Variants in VPS13A observed in about 807,000 individuals in gnomAD.
The protein encoded by VPS13A is vacuolar protein sorting 13 homolog A, also known as intermembrane lipid transfer protein VPS13A.
VPS13A carries 264 observed loss-of-function variants against 390.9 expected under a neutral mutation model. That is an observed-to-expected ratio of 0.68 (90% CI 0.61 to 0.75). The LOEUF (loss-of-function observed/expected upper bound fraction) is 0.75, where lower values mean the gene tolerates loss of function less well. Ranked by LOEUF, VPS13A falls within the 30% of genes least tolerant of loss-of-function variation. The pLI, the probability that VPS13A is intolerant of heterozygous loss-of-function variation, is 0.00. For synonymous variants in VPS13A, 1,231 were observed against 1,227.1 expected (o/e 1.00, Z -0.07); for missense variants, 3,409 against 3,733.9 (o/e 0.91, Z 2.27).
chr9:77,374,709 C>T (rs555114817), intron 67 of VPS13A, among the ~76,000 whole-genome samples: 33 of 152,212 alleles, frequency 2.2e-4, no homozygotes, highest in African/African-American at 7.5e-4. Context: ...AATTTTAATA[C>T]ACATTGTTTT....
chr9:77,400,790 T>C (rs1834352779), intron 68 of VPS13A, among the ~76,000 whole-genome samples: 1 of 147,696 alleles, frequency 6.8e-6, no homozygotes, highest in South Asian at 2.1e-4. Context: ...ATCGCATCAC[T>C]GCACTCCAGC....
intron 13 of VPS13A, among the ~76,000 whole-genome samples, chr9:77,225,096 A>G (rs1013153174): frequency 1.3e-5 from 2 of 152,216 alleles, no homozygotes; most frequent in Non-Finnish European, 2.9e-5. Flanking sequence ...TTAATAGACT[A>G]TAATGTAGTA....
chr9:77,398,546 A>G (rs1395604244), intron 68 of VPS13A, among the ~76,000 whole-genome samples: 10 of 152,106 alleles, frequency 6.6e-5, no homozygotes, highest in African/African-American at 2.4e-4. Flanking sequence ...CCCAAAAATG[A>G]TGTTTTGAGT....
At chr9:77,269,769 G>T (rs1305974997) in intron 23 of VPS13A, among the ~76,000 whole-genome samples, 1 of 152,128 alleles carries the variant, frequency 6.6e-6, no homozygotes. Flanking sequence ...GCTGAATTGT[G>T]CCCTTCAAAA....
At chr9:77,198,375 C>T (rs1825123928) in intron 1 of VPS13A, among the ~76,000 whole-genome samples, 2 of 152,088 alleles carry the variant, frequency 1.3e-5, no homozygotes, top group Non-Finnish European at 2.9e-5. Flanking sequence ...TTAATAAGCC[C>T]ATCACACATT....
In VPS13A at chr9:77,419,698, C is replaced by T. The variant is rs1168710252; in HGVS notation, c.*3692C>T. 6.6e-6 allele frequency: 1 copy of T among 152,176 alleles called. No homozygotes were observed. The highest frequency in any genetic ancestry group is 1.5e-5 in the Non-Finnish European group (1 of 68,028). 9.4% of individuals were successfully genotyped at this position (152,176 alleles called of 1,614,324 possible). A position where few individuals can be genotyped will look rare whatever the true frequency, so the allele number is the denominator to read the frequency against. On this transcript the variant is annotated 3_prime_UTR_variant, in exon 72 of 72. Coordinates refer to ENST00000360280, the MANE Select transcript of VPS13A (RefSeq NM_033305.3). ...ATCCACACACAGCACCCAAAAAAGG[C>T]CATAGTCTTTTGTTTACCTAGATGT...
At chr9:77,251,944 C>T (rs1825167788) in intron 21 of VPS13A, among the ~76,000 whole-genome samples, 1 of 152,054 alleles carries the variant, frequency 6.6e-6, no homozygotes, top group Non-Finnish European at 1.5e-5. Flanking sequence ...TAAATGGTAG[C>T]TTTTATTAGT....
rs922672598 is a variant in VPS13A at position 77,325,177 on chromosome 9, T to C, written c.5991+1950T>C. On this transcript the variant is annotated intron_variant, in intron 45 of 71. Transcript: ENST00000360280. ...TAAGGAGCATGCAACCTAGATCCCT[T>C]GCATGCGCAGTTCACGCTCCTATGA... Among the ~76,000 whole-genome samples, 7 of 152,150 alleles carry C rather than the reference T, an allele frequency of 4.6e-5. No homozygotes were observed. In the East Asian group the frequency reaches 1.2e-3, roughly 25 times the overall value.
intron 67 of VPS13A, among the ~76,000 whole-genome samples, chr9:77,372,184 G>A (rs1832811376): frequency 6.6e-6 from 1 of 151,594 alleles, no homozygotes; most frequent in African/African-American, 2.4e-5. Context: ...GGATGGCTGG[G>A]TCAAATGGTA....
chr9:77,348,002 G>A (rs975396571), intron 52 of VPS13A, among the ~76,000 whole-genome samples: 13 of 152,190 alleles, frequency 8.5e-5, no homozygotes, highest in African/African-American at 3.1e-4. Flanking sequence ...TGGAGAAATA[G>A]GAACGCTTTT....
intron 31 of VPS13A, among the ~76,000 whole-genome samples, chr9:77,284,164 G>T (rs1394089615): frequency 2.6e-5 from 4 of 151,996 alleles, no homozygotes; most frequent in African/African-American, 9.7e-5. Context: ...ATTTGTTACT[G>T]GTTATAAAAC....
chr9:77,220,517 G>C (rs936196626), intron 12 of VPS13A, 134 bp downstream of exon 12: 14 of 663,936 alleles, frequency 2.1e-5, no homozygotes, highest in Non-Finnish European at 3.3e-5. Flanking sequence ...TTTATAGCTA[G>C]AAATATATGT....
intron 45 of VPS13A, among the ~76,000 whole-genome samples, chr9:77,329,070 G>C (rs1304347000): frequency 1.3e-5 from 2 of 152,162 alleles, no homozygotes; most frequent in Admixed American, 1.3e-4. Flanking sequence ...AGAACAGCAT[G>C]CAGGAAACTG....
In VPS13A at chr9:77,275,774, A is replaced by G. The variant is rs1014348364; in HGVS notation, c.2667+122A>G. 8.3e-6 allele frequency: 10 copies of G among 1,198,048 alleles called. No homozygotes were observed. The African/African-American group carries it at 1.4e-4, about 17-fold the overall frequency. 74.2% of individuals were successfully genotyped at this position (1,198,048 alleles called of 1,614,324 possible). On this transcript the variant is annotated intron_variant, in intron 25 of 71. Transcript: ENST00000360280. ...TTCACCCTAATTAAAGTAATTCCAG[A>G]CTTGCTGTGTGATTCTTGGTCACTC...
intron 67 of VPS13A, among the ~76,000 whole-genome samples, chr9:77,373,736 A>G (rs915332696): frequency 6.6e-6 from 1 of 151,522 alleles, no homozygotes; most frequent in East Asian, 1.9e-4. Context: ...CAACCTACTC[A>G]TCTGACAAAG....
At chr9:77,338,120 T>G (rs1268130120) in intron 47 of VPS13A, 1 of 152,340 alleles carries the variant, frequency 6.6e-6, no homozygotes, top group African/African-American at 2.4e-5. Flanking sequence ...GGACTACAGG[T>G]GCATGCCATG....
At chr9:77,235,023 T>G (rs1824061692) in intron 17 of VPS13A, among the ~76,000 whole-genome samples, 1 of 152,232 alleles carries the variant, frequency 6.6e-6, no homozygotes, top group Admixed American at 6.5e-5. Flanking sequence ...TCTAGGTTTA[T>G]ATTTGTTTTT....
chr9:77,209,429 A>G lies in VPS13A; in HGVS notation c.392A>G (p.His131Arg). Residue 131 changes from histidine to arginine, a missense_variant, in exon 6 of 72, where the codon CAT becomes CGT. By Grantham distance (29) the His-to-Arg change is conservative. Transcript: ENST00000360280. Reference protein sequence around the residue: ...AKQKVVDQEQHLPEKQDTFAE... With the variant: ...AKQKVVDQEQRLPEKQDTFAE... ...GGAATATTTGCAATTGTAGAACAAC[A>G]TCTGCCGGAAAAACAGGACACTTTT... 5 of 1,609,922 alleles carry G rather than the reference A, an allele frequency of 3.1e-6. No individual in the cohort carries two copies. Among genetic ancestry groups the G allele is most frequent in the Non-Finnish European group, 4.2e-6 (5 of 1,176,780 alleles).
At chr9:77,219,345 T>C (rs925198932) in intron 10 of VPS13A, among the ~76,000 whole-genome samples, 3 of 152,332 alleles carry the variant, frequency 2.0e-5, no homozygotes, top group Admixed American at 2.0e-4. Flanking sequence ...TATAATTTAA[T>C]GATGGATCTT....
Sources: allele counts gnomAD v4.1 joint callset (sites outside exome capture counted in the v4.1 genomes callset), GRCh38; gene constraint gnomAD v4.1.1; transcripts MANE v1.5; gene names NCBI Gene and HGNC (gene_info 2026-07-23, HGNC 2026-07-21).